Variants in CREBZF observed in about 807,000 individuals in gnomAD.
CREBZF encodes HCF-binding transcription factor Zhangfei.
CREBZF carries 8 observed loss-of-function variants against 21.1 expected under a neutral mutation model. The ratio of observed to expected loss-of-function variants is 0.38; its 90% confidence interval spans 0.22 to 0.68. The LOEUF (loss-of-function observed/expected upper bound fraction) is 0.68. Among genes scored for constraint, CREBZF ranks in the 30% least tolerant of loss-of-function variants. CREBZF has a pLI of 0.51. For synonymous variants in CREBZF, 270 were observed against 223.3 expected (o/e 1.21, Z -1.86); for missense variants, 518 against 484.3 (o/e 1.07, Z -0.65).
chr11:85,682,251 A>G (rs761259964), intron 1 of CREBZF, among the ~76,000 whole-genome samples: 1 of 151,762 alleles, frequency 6.6e-6, no homozygotes, highest in Non-Finnish European at 1.5e-5. Context: ...CGATAATTGA[A>G]CCTCCCTTGA....
intron 1 of CREBZF, among the ~76,000 whole-genome samples, chr11:85,673,636 T>C (rs553757850): frequency 4.3e-4 from 65 of 152,332 alleles, no homozygotes; most frequent in Non-Finnish European, 8.2e-4. Context: ...CTGTGGCATT[T>C]CTTAAAATAT....
chr11:85,670,838 G>GAA (rs1337760826), intron 1 of CREBZF, among the ~76,000 whole-genome samples: 3 of 152,192 alleles, frequency 2.0e-5, no homozygotes, highest in Non-Finnish European at 2.9e-5. Context: ...TAGTACCTTA[G>GAA]AATGTGACCT....
chr11:85,665,964 C>G (rs763132796), upstream of CREBZF, among the ~76,000 whole-genome samples: 1 of 152,220 alleles, frequency 6.6e-6, no homozygotes, highest in African/African-American at 2.4e-5. Flanking sequence ...TGCCCAGAAA[C>G]TGCCTGTCCA....
At chr11:85,669,570 A>G (rs2082897799), upstream of CREBZF, among the ~76,000 whole-genome samples, 1 of 152,294 alleles carries the variant, frequency 6.6e-6, no homozygotes. Flanking sequence ...GTTTTATAAA[A>G]ATGCTATACA....
rs1294421157 is a variant in CREBZF, at chr11:85,663,771, T to C, written c.*40A>G. On this transcript the variant is annotated 3_prime_UTR_variant, in exon 1 of 1. Transcript: ENST00000527447. ...TAAGTTTGACATGGTGTAAGGGAGT[T>C]GAAAGGGGTAAACGCGGATAAAGAG... 3.2e-6 allele frequency: 5 copies of C among 1,582,336 alleles called. No individual in the cohort carries two copies. In the African/African-American group the frequency reaches 6.7e-5, roughly 21 times the overall value.
rs770289180 is a variant in CREBZF, at chr11:85,664,754, C to A, written c.122G>T (p.Gly41Val). 2 of 1,608,214 alleles carry A rather than the reference C, an allele frequency of 1.2e-6. No individual in the cohort carries two copies. The highest frequency in any genetic ancestry group is 2.7e-5 in the African/African-American group (2 of 74,672). ...TCCGGCCGCCGCCGTCTCCTCCTCC[C>A]CCGCTGCAGCCCGGGTCAGGTCAGA... Reference protein sequence around the residue: ...LPSDLTRAAAGEEETAAAGSP... With the variant: ...LPSDLTRAAAVEEETAAAGSP... The change falls in exon 1 of 1, where the codon GGG (glycine) becomes GTG (valine). Residue 41 changes from glycine (G) to valine (V), a missense_variant. Physicochemically the swap from Gly to Val is moderately radical, Grantham distance 109. Coordinates refer to ENST00000527447, the MANE Select transcript of CREBZF (RefSeq NM_001039618.4). The surrounding 1 kb of genome is among the most constrained non-coding windows in gnomAD (Gnocchi z 5.5).
Position 85,662,307 on chromosome 11 carries a change from T to C in CREBZF, c.*1504A>G. Reference sequence around the variant, plus strand: ...CTTACATCTTTGGACTGCTGGAAAATACTTTTTAATTATGAACATGTTAAA... The same window carrying C: ...CTTACATCTTTGGACTGCTGGAAAACACTTTTTAATTATGAACATGTTAAA... On this transcript the variant is annotated 3_prime_UTR_variant, in exon 1 of 1. Coordinates refer to ENST00000527447, the MANE Select transcript of CREBZF (RefSeq NM_001039618.4). 1 of 669,170 alleles carries C rather than the reference T, an allele frequency of 1.5e-6. No homozygotes were observed. The highest frequency in any genetic ancestry group is 2.8e-6 in the Non-Finnish European group (1 of 359,222). The allele number at this position is 669,170 out of a possible 1,614,324, so 41.5% of individuals were successfully genotyped here. A position where few individuals can be genotyped will look rare whatever the true frequency, so the allele number is the denominator to read the frequency against.
At chr11:85,666,941 C>G (rs2153327752), upstream of CREBZF, among the ~76,000 whole-genome samples, 1 of 152,378 alleles carries the variant, frequency 6.6e-6, no homozygotes, top group East Asian at 1.9e-4. Flanking sequence ...TATGTATACT[C>G]TGGCCTCCCT....
chr11:85,673,178 A>T (rs1472790994), intron 1 of CREBZF, among the ~76,000 whole-genome samples: 1 of 152,236 alleles, frequency 6.6e-6, no homozygotes, highest in Non-Finnish European at 1.5e-5. Context: ...ATCCTCCCCA[A>T]AGACCATGAC....
chr11:85,667,030 G>A (rs1332928208), upstream of CREBZF, among the ~76,000 whole-genome samples: 1 of 152,160 alleles, frequency 6.6e-6, no homozygotes, highest in Non-Finnish European at 1.5e-5. Flanking sequence ...ATTATTAACT[G>A]ATTATATTTT....
chr11:85,676,424 T>C (rs149050035), intron 1 of CREBZF, among the ~76,000 whole-genome samples: 77 of 152,284 alleles, frequency 5.1e-4, no homozygotes, highest in African/African-American at 1.8e-3. Flanking sequence ...AAAATTTTAA[T>C]TTCTTAAATA....
chr11:85,664,886 G>A lies in CREBZF; in HGVS notation c.-11C>T. 6.9e-7 allele frequency: 1 copy of A among 1,457,814 alleles called. No individual in the cohort carries two copies. The highest frequency in any genetic ancestry group is 9.0e-7 in the Non-Finnish European group (1 of 1,111,928). 90.3% of individuals were successfully genotyped at this position (1,457,814 alleles called of 1,614,324 possible). Reference sequence around the variant, plus strand: ...CAGGCTATGCCTCATGAGGGCCAGCGGCGGGCCGCGGTAGGCCCCGGCCGC... The same window carrying A: ...CAGGCTATGCCTCATGAGGGCCAGCAGCGGGCCGCGGTAGGCCCCGGCCGC... On this transcript the variant is annotated 5_prime_UTR_variant, in exon 1 of 1. Transcript: ENST00000527447. The surrounding 1 kb of genome is among the most constrained non-coding windows in gnomAD (Gnocchi z 5.5).
chr11:85,672,153 CCCTCTGAAGCCATA>C, intron 1 of CREBZF, among the ~76,000 whole-genome samples: 1 of 152,280 alleles, frequency 6.6e-6, no homozygotes, highest in Non-Finnish European at 1.5e-5. Context: ...GGGGCTTGCA[CCCTCTGAAGCCATA>C]GCCTGAGCTG....
chr11:85,667,831 A>C (rs567495595), upstream of CREBZF, among the ~76,000 whole-genome samples: 1 of 152,130 alleles, frequency 6.6e-6, no homozygotes, highest in South Asian at 2.1e-4. Flanking sequence ...TTAGCCAGGT[A>C]TGGTGGCACA....
Position 85,664,330 on chromosome 11 carries a change from G to A in CREBZF, c.546C>T (p.Ala182=), listed in dbSNP as rs1035530482. The A allele has an allele frequency of 6.2e-7, 1 of 1,612,082 alleles. No individual in the cohort carries two copies. Among genetic ancestry groups the A allele is most frequent in the African/African-American group, 1.3e-5 (1 of 74,938 alleles). The change falls in exon 1 of 1, where the codon GCC becomes GCT. Residue 182 remains alanine, a synonymous_variant. Coordinates refer to ENST00000527447, the MANE Select transcript of CREBZF (RefSeq NM_001039618.4). This position sits in a 1 kb window ranked among gnomAD's most constrained non-coding sequence, Gnocchi z 5.5. ...CTGGGGACTTTCTCCGCCTCTTTTC[G>A]GCGCTGCCACTGTCACTGCTGCTGC... ...GCSSSSDSGS[A]EKRRRKSPGG...
chr11:85,675,345 T>C (rs1410165152), intron 1 of CREBZF, among the ~76,000 whole-genome samples: 1 of 152,150 alleles, frequency 6.6e-6, no homozygotes, highest in Non-Finnish European at 1.5e-5. Context: ...TTAGAGGCCA[T>C]TGTAGGATTA....
At chr11:85,670,246 C>A (rs2153328613) in intron 1 of CREBZF, among the ~76,000 whole-genome samples, 2 of 130,474 alleles carry the variant, frequency 1.5e-5, no homozygotes, top group Non-Finnish European at 1.6e-5. Flanking sequence ...GTTTCGTATT[C>A]TTTATTTCCC....
chr11:85,668,180 C>T (rs1414389834), upstream of CREBZF, among the ~76,000 whole-genome samples: 1 of 152,230 alleles, frequency 6.6e-6, no homozygotes, highest in East Asian at 1.9e-4. Context: ...GCAAGTCCCT[C>T]TTTGTTACTT....
chr11:85,678,436 T>C (rs192788572), intron 1 of CREBZF, among the ~76,000 whole-genome samples: 38 of 152,296 alleles, frequency 2.5e-4, no homozygotes, highest in African/African-American at 8.7e-4. Context: ...CATTAAATAA[T>C]TTTTTTACTT....
Sources: allele counts gnomAD v4.1 joint callset (sites outside exome capture counted in the v4.1 genomes callset), GRCh38; gene constraint gnomAD v4.1.1; non-coding constraint Gnocchi (gnomAD v3.1); transcripts MANE v1.5; gene names NCBI Gene and HGNC (gene_info 2026-07-23, HGNC 2026-07-21).